FAM171B: variants seen among roughly 807,000 people sequenced by gnomAD.
FAM171B encodes the protein family with sequence similarity 171 member B.
A neutral mutation model predicts 75.6 loss-of-function variants in FAM171B; 19 were observed. The ratio of observed to expected loss-of-function variants is 0.25; its 90% CI spans 0.18 to 0.37. The LOEUF is 0.37. Ranked by LOEUF, FAM171B falls within the 10% of genes least tolerant of loss-of-function variation. FAM171B has a pLI of 1.00. For missense variants in FAM171B, 848 were observed against 982.4 expected (o/e 0.86, Z 1.83); for synonymous variants, 367 against 361.7 (o/e 1.01, Z -0.17).
At chr2:186,694,529 C>A in intron 1 of FAM171B, 118 bp downstream of exon 1, 1 of 1,346,434 alleles carries the variant, frequency 7.4e-7, no homozygotes, top group Non-Finnish European at 1.0e-6. Flanking sequence ...TGTCACCATC[C>A]CTCCCGATCT....
chr2:186,761,912 C>A lies in FAM171B; in HGVS notation c.1570C>A (p.Arg524Ser). 6.2e-7 allele frequency: 1 copy of A among 1,613,040 alleles called. No individual in the cohort carries two copies. The highest frequency in any genetic ancestry group is 2.2e-5 in the East Asian group (1 of 44,808). Reference protein sequence around the residue: ...YLTGNEEAYGRSHIPEQLMHI... With the variant: ...YLTGNEEAYGSSHIPEQLMHI... ...CACAGGTAATGAGGAGGCGTATGGGCGTTCCCATATTCCTGAACAGCTTAT... is the reference window on the plus strand; with the variant it reads ...CACAGGTAATGAGGAGGCGTATGGGAGTTCCCATATTCCTGAACAGCTTAT... Residue 524 changes from arginine (R) to serine (S), a missense_variant, in exon 8 of 8, where the codon CGT (arginine) becomes AGT (serine). Arg to Ser is a moderately radical substitution (Grantham distance 110). Around this residue, in one of 3 missense-constraint regions of FAM171B, gnomAD observed 665 missense variants for 729.0 expected, o/e 0.91. Transcript: ENST00000304698.
At chr2:186,725,552 G>A (rs1307244691) in intron 1 of FAM171B, among the ~76,000 whole-genome samples, 1 of 152,052 alleles carries the variant, frequency 6.6e-6, no homozygotes, top group African/African-American at 2.4e-5. Flanking sequence ...TCAGGGAGCT[G>A]TGCTATTCAC....
intron 5 of FAM171B, among the ~76,000 whole-genome samples, chr2:186,753,147 T>C (rs1019609065): frequency 3.3e-5 from 5 of 151,986 alleles, no homozygotes; most frequent in Admixed American, 3.3e-4. Context: ...CCTTAGTTTA[T>C]TTTATTATTA....
intron 1 of FAM171B, among the ~76,000 whole-genome samples, chr2:186,707,298 ACTC>A (rs1297434244): frequency 6.6e-6 from 1 of 151,988 alleles, no homozygotes; most frequent in African/African-American, 2.4e-5. Context: ...CTAGCTCTAC[ACTC>A]CTCTTCATCT....
At position 186,761,460 on chromosome 2, in the gene FAM171B, G is replaced by C; in HGVS notation, c.1137-19G>C. 1 of 1,530,936 alleles carries C rather than the reference G, an allele frequency of 6.5e-7. No homozygotes were observed. The highest frequency in any genetic ancestry group is 1.9e-4 in the Middle Eastern group (1 of 5,162). 94.8% of individuals were successfully genotyped at this position (1,530,936 alleles called of 1,614,324 possible). A position where few individuals can be genotyped will look rare whatever the true frequency, so the allele number is the denominator to read the frequency against. Reference sequence around the variant, plus strand: ...GTGTCATAACTTTTAAATATTTTTTGCCTTCTCTTCTACTCTAGGGACAAG... The same window carrying C: ...GTGTCATAACTTTTAAATATTTTTTCCCTTCTCTTCTACTCTAGGGACAAG... On this transcript the variant is annotated intron_variant, in intron 7 of 7. Transcript: ENST00000304698.
intron 3 of FAM171B, among the ~76,000 whole-genome samples, chr2:186,746,496 G>A (rs1050746577): frequency 2.0e-5 from 3 of 152,110 alleles, no homozygotes; most frequent in Admixed American, 6.5e-5. Context: ...GACATGGCTC[G>A]ATCACGACTT....
chr2:186,713,529 T>G (rs555495973), intron 1 of FAM171B, among the ~76,000 whole-genome samples: 1 of 152,320 alleles, frequency 6.6e-6, no homozygotes, highest in South Asian at 2.1e-4. Context: ...TTTCATTGAT[T>G]TATATACTAT....
chr2:186,753,870 C>G, intron 5 of FAM171B, 63 bp from the exon 6 acceptor site: 1 of 1,241,368 alleles, frequency 8.1e-7, no homozygotes, highest in Non-Finnish European at 1.2e-6. Context: ...ATAATGTATT[C>G]TGTGCATGAC....
chr2:186,694,432 C>A (rs1689546533), intron 1 of FAM171B, 21 bp downstream of exon 1: 2 of 1,599,946 alleles, frequency 1.3e-6, no homozygotes, highest in Non-Finnish European at 8.5e-7. Context: ...GCTGCCCAGC[C>A]CGGTCTTTCA....
chr2:186,725,441 T>G (rs1690018998), intron 1 of FAM171B, among the ~76,000 whole-genome samples: 1 of 152,198 alleles, frequency 6.6e-6, no homozygotes, highest in South Asian at 2.1e-4. Flanking sequence ...TTGTGCTGTT[T>G]CGATTCAAAG....
intron 1 of FAM171B, among the ~76,000 whole-genome samples, chr2:186,704,481 A>T (rs895096828): frequency 6.6e-6 from 1 of 152,182 alleles, no homozygotes; most frequent in African/African-American, 2.4e-5. Context: ...AGTGTTTGAA[A>T]AGTGTAAGAC....
intron 5 of FAM171B, among the ~76,000 whole-genome samples, chr2:186,753,603 C>T (rs56940720): frequency 0.019 from 2,830 of 152,072 alleles, 102 homozygotes; most frequent in African/African-American, 0.065. Context: ...TTAATAGAGA[C>T]GGGGTTTCAC....
intron 1 of FAM171B, among the ~76,000 whole-genome samples, chr2:186,732,532 G>A (rs1455432584): frequency 6.6e-6 from 1 of 152,140 alleles, no homozygotes; most frequent in African/African-American, 2.4e-5. Flanking sequence ...AGGCATGAAA[G>A]TTTATTAAAA....
At chr2:186,724,395 C>T (rs1467851014) in intron 1 of FAM171B, among the ~76,000 whole-genome samples, 2 of 152,136 alleles carry the variant, frequency 1.3e-5, no homozygotes, top group Non-Finnish European at 2.9e-5. Flanking sequence ...ATGACCAATG[C>T]CTTGACAGCT....
Position 186,751,167 on chromosome 2 carries a change from C to A in FAM171B, c.758C>A (p.Ala253Glu), listed in dbSNP as rs1006657694. 1.9e-5 allele frequency: 30 copies of A among 1,607,778 alleles called. No homozygotes were observed. The highest frequency in any genetic ancestry group is 2.6e-5 in the Non-Finnish European group (30 of 1,176,050). The part of the protein sequence containing the change: ...FENIELTPLA[A>E]ICVKIYSGGK... ...AACATTGAATTGACTCCTCTTGCTG[C>A]AATATGTGTGAAAATATATTCTGGA... The change falls in exon 5 of 8, where the codon GCA becomes GAA. Residue 253 changes from alanine (A) to glutamate (E), a missense_variant. This residue lies in a region of FAM171B where 665 missense variants were observed against 729.0 expected (regional missense o/e 0.91). Coordinates refer to ENST00000304698, the MANE Select transcript of FAM171B (RefSeq NM_177454.4).
In FAM171B at chr2:186,762,744, GACC is replaced by G; in HGVS notation, c.2408_2410del (p.Pro803del). The G allele has an allele frequency of 6.2e-7, 1 of 1,613,304 alleles. No homozygotes were observed. Among genetic ancestry groups the G allele is most frequent in the South Asian group, 1.1e-5 (1 of 91,056 alleles). On this transcript the variant is annotated inframe_deletion, in exon 8 of 8. Coordinates refer to ENST00000304698, the MANE Select transcript of FAM171B (RefSeq NM_177454.4). This position sits in a 1 kb window ranked among gnomAD's most constrained non-coding sequence, Gnocchi z 4.0. Reference sequence around the variant, plus strand: ...ACATCCCCCACTAAAAGAAGGGGCAGACCACCACTAGCCAAAAGAGATAGCAAG... The same window carrying G: ...ACATCCCCCACTAAAAGAAGGGGCAGACCACTAGCCAAAAGAGATAGCAAG...
At chr2:186,742,098 A>G (rs371136122) in intron 2 of FAM171B, among the ~76,000 whole-genome samples, 3 of 152,308 alleles carry the variant, frequency 2.0e-5, no homozygotes, top group East Asian at 1.9e-4. Context: ...AAAAAATCAC[A>G]GGAATACCCA....
intron 3 of FAM171B, among the ~76,000 whole-genome samples, chr2:186,744,142 C>A (rs901317604): frequency 3.3e-5 from 5 of 152,292 alleles, no homozygotes; most frequent in Admixed American, 3.3e-4. Flanking sequence ...CCTAACTCCC[C>A]GCACGCCTTA....
chr2:186,709,398 C>A (rs1022785540), intron 1 of FAM171B, among the ~76,000 whole-genome samples: 1 of 152,132 alleles, frequency 6.6e-6, no homozygotes, highest in Non-Finnish European at 1.5e-5. Context: ...GCCCACATTT[C>A]TTGAAGAAAC....
Sources: gnomAD v4.1 joint callset for allele counts (sites outside exome capture counted in the v4.1 genomes callset) on GRCh38, gnomAD v4.1.1 for gene constraint, gnomAD v4.1.1 regional missense constraint, Gnocchi (gnomAD v3.1) non-coding constraint, MANE v1.5 for transcripts, NCBI Gene and HGNC (gene_info 2026-07-23, HGNC 2026-07-21) for gene names.